RASSF6: variants seen among roughly 807,000 people sequenced by gnomAD.
The protein encoded by RASSF6 is ras association domain-containing protein 6.
A neutral mutation model predicts 44.0 loss-of-function variants in RASSF6; 52 were observed. The ratio of observed to expected loss-of-function variants is 1.18; its 90% CI spans 0.95 to 1.49. The LOEUF (loss-of-function observed/expected upper bound fraction) is 1.49. RASSF6 is among the 40% of genes most tolerant of loss of function. RASSF6 has a pLI of 0.00. For missense variants in RASSF6, 464 were observed against 393.3 expected (o/e 1.18, Z -1.52); for synonymous variants, 162 against 124.6 (o/e 1.30, Z -2.00).
At chr4:73,587,602 T>C (rs1163606394) in intron 5 of RASSF6, among the ~76,000 whole-genome samples, 1 of 151,924 alleles carries the variant, frequency 6.6e-6, no homozygotes, top group African/African-American at 2.4e-5. Context: ...AGTGACATAA[T>C]ATAATTTTTT....
Position 73,593,591 on chromosome 4 carries a change from A to T in RASSF6, c.147T>A (p.Thr49=). 1 of 1,612,264 alleles carries T rather than the reference A, an allele frequency of 6.2e-7. No homozygotes were observed. The change falls in exon 4 of 11, where the codon ACT becomes ACA. Residue 49 remains threonine (T), a splice_region_variant and synonymous_variant. Transcript: ENST00000307439. ...QKNLHILYGE[T]EDGKLIVEGM... is the part of the protein sequence containing the mutation. ...CTTCAACAATTAGTTTGCCATCTTC[A>T]GTCTAAGGAAGAAATGAATAATCCC...
At chr4:73,611,895 A>G in intron 1 of RASSF6, 66 bp from the exon 2 acceptor site, 2 of 1,147,958 alleles carry the variant, frequency 1.7e-6, no homozygotes, top group Non-Finnish European at 1.3e-6. Flanking sequence ...TTCTGATTTA[A>G]GTTGAGTGTT....
intron 1 of RASSF6, chr4:73,615,843 T>TC: frequency 6.7e-7 from 1 of 1,483,624 alleles, no homozygotes; most frequent in Non-Finnish European, 9.2e-7. Context: ...GTGGTTCACC[T>TC]CCCCCTGCTC....
chr4:73,584,805 A>C (rs1723946527), intron 6 of RASSF6, among the ~76,000 whole-genome samples: 4 of 152,048 alleles, frequency 2.6e-5, no homozygotes, highest in Admixed American at 2.0e-4. Context: ...GATAGAGTTC[A>C]CCCATCATGG....
In RASSF6 at chr4:73,571,768, C is replaced by T. The variant is rs1439756899; in HGVS notation, c.*4467G>A. On this transcript the variant is annotated 3_prime_UTR_variant, in exon 11 of 11. Transcript: ENST00000307439. ...AAAAGCTATAAAGATAAATGTGACA[C>T]ATTCTTTACCATTAATAATAATATA... 2 of 151,798 alleles carry T rather than the reference C, an allele frequency of 1.3e-5. No homozygotes were observed. The highest frequency in any genetic ancestry group is 4.8e-5 in the African/African-American group (2 of 41,364). 9.4% of individuals were successfully genotyped at this position (151,798 alleles called of 1,614,324 possible). A position where few individuals can be genotyped will look rare whatever the true frequency, so the allele number is the denominator to read the frequency against.
At chr4:73,602,641 ACCTGTAAAAGTTCACCTTCCAACATGAT>A (rs1464424983) in intron 2 of RASSF6, among the ~76,000 whole-genome samples, 1 of 152,056 alleles carries the variant, frequency 6.6e-6, no homozygotes, top group Non-Finnish European at 1.5e-5. Flanking sequence ...TCTCCCTCAA[ACCTGTAAAAGTTCACCTTCCAACATGAT>A]CAGACGGCTT....
intron 8 of RASSF6, among the ~76,000 whole-genome samples, chr4:73,581,274 T>A (rs534435380): frequency 6.6e-6 from 1 of 152,100 alleles, no homozygotes; most frequent in African/African-American, 2.4e-5. Flanking sequence ...CTCTATTCTC[T>A]CTATTATGCT....
chr4:73,581,672 T>C (rs1723657985), intron 8 of RASSF6, 145 bp downstream of exon 8: 1 of 521,518 alleles, frequency 1.9e-6, no homozygotes, highest in Non-Finnish European at 3.5e-6. Context: ...CTATAGATAA[T>C]GTTCTAAAGA....
chr4:73,594,329 C>T (rs1724788497), intron 3 of RASSF6, among the ~76,000 whole-genome samples: 1 of 152,168 alleles, frequency 6.6e-6, no homozygotes, highest in African/African-American at 2.4e-5. Flanking sequence ...CCACCCAATA[C>T]CTATTTTAAC....
chr4:73,573,277 C>A lies in RASSF6; in HGVS notation c.*2958G>T, dbSNP rs532151037. On this transcript the variant is annotated 3_prime_UTR_variant, in exon 11 of 11. Transcript: ENST00000307439. ...GAGTAGCTGGCATTATAGGTGCCTG[C>A]CATTGCACCCGGCTCATTTTTTGTA... 6 of 152,154 alleles carry A rather than the reference C, an allele frequency of 3.9e-5. No homozygotes were observed. Among genetic ancestry groups the A allele is most frequent in the African/African-American group, 1.4e-4 (6 of 41,496 alleles). 9.4% of individuals were successfully genotyped at this position (152,154 alleles called of 1,614,324 possible).
chr4:73,595,995 G>T (rs911049568), intron 3 of RASSF6, among the ~76,000 whole-genome samples: 1 of 152,138 alleles, frequency 6.6e-6, no homozygotes, highest in Non-Finnish European at 1.5e-5. Context: ...CTTTGGCCAG[G>T]AAGATATTGT....
chr4:73,616,253 C>T (rs562129559), intron 1 of RASSF6, among the ~76,000 whole-genome samples: 1 of 151,388 alleles, frequency 6.6e-6, no homozygotes, highest in African/African-American at 2.5e-5. Context: ...ATCTATCTAT[C>T]TATCTATCTA....
intron 5 of RASSF6, among the ~76,000 whole-genome samples, chr4:73,586,682 A>C (rs1284047845): frequency 6.6e-6 from 1 of 152,002 alleles, no homozygotes; most frequent in African/African-American, 2.4e-5. Flanking sequence ...CTTCTCTAGC[A>C]CTGCTGTTTA....
intron 1 of RASSF6, among the ~76,000 whole-genome samples, chr4:73,614,397 C>T (rs901639565): frequency 1.3e-5 from 2 of 152,178 alleles, no homozygotes; most frequent in Non-Finnish European, 2.9e-5. Flanking sequence ...GTGGAGACTT[C>T]ATGAATGTGG....
chr4:73,595,179 T>A (rs1329946019), intron 3 of RASSF6, among the ~76,000 whole-genome samples: 3 of 152,138 alleles, frequency 2.0e-5, no homozygotes, highest in Non-Finnish European at 2.9e-5. Context: ...GAAACTATTT[T>A]AAAAAATTAA....
At chr4:73,584,275 T>G (rs1723907662) in intron 6 of RASSF6, among the ~76,000 whole-genome samples, 1 of 152,102 alleles carries the variant, frequency 6.6e-6, no homozygotes. Context: ...TACAAAGCAA[T>G]GAGTTCCTAT....
At chr4:73,580,648 T>A in intron 8 of RASSF6, among the ~76,000 whole-genome samples, 1 of 149,174 alleles carries the variant, frequency 6.7e-6, no homozygotes, top group Non-Finnish European at 1.5e-5. Flanking sequence ...TTTTCATGTG[T>A]TTTTTGGCTG....
rs752192782 is a variant in RASSF6 at position 73,582,181 on chromosome 4, A to G, written c.669+8T>C. ...ATATTTATAGCTCAGTTAAGTGATA[A>G]AGGTTACCTTAAATTTTTGGAGAAG... On this transcript the variant is annotated splice_region_variant and intron_variant, in intron 7 of 10. Transcript: ENST00000307439. 55 of 1,337,270 alleles carry G rather than the reference A, an allele frequency of 4.1e-5. No homozygotes were observed. Among genetic ancestry groups the G allele is most frequent in the Admixed American group, 7.3e-5 (4 of 55,134 alleles). 82.8% of individuals were successfully genotyped at this position (1,337,270 alleles called of 1,614,324 possible).
intron 1 of RASSF6, among the ~76,000 whole-genome samples, chr4:73,614,631 C>G (rs1216680625): frequency 6.6e-6 from 1 of 152,196 alleles, no homozygotes; most frequent in Non-Finnish European, 1.5e-5. Context: ...CTGGCTCACT[C>G]TTTATTTGCA....
Sources: gnomAD v4.1 joint callset for allele counts (sites outside exome capture counted in the v4.1 genomes callset) on GRCh38, gnomAD v4.1.1 for gene constraint, MANE v1.5 for transcripts, NCBI Gene and HGNC (gene_info 2026-07-23, HGNC 2026-07-21) for gene names.